IQCE: variants seen among roughly 807,000 people sequenced by gnomAD.
IQCE encodes the protein IQ motif containing E.
In IQCE, 115 loss-of-function variants were observed where a neutral mutation model predicts 96.0. That is an observed-to-expected ratio of 1.20 (90% CI 1.03 to 1.40). The LOEUF is 1.40. Ranked by LOEUF, IQCE falls within the 40% of genes most tolerant of loss-of-function variation. The pLI is 0.00. For missense variants in IQCE, 1,041 were observed against 909.1 expected, an observed-to-expected ratio of 1.15 and a Z score of -1.87; for synonymous variants, 412 against 371.2, an observed-to-expected ratio of 1.11 and a Z score of -1.26.
rs1473339159 is a variant in IQCE, at chr7:2,577,432, A to G, written c.466-810A>G. 1.0e-3 allele frequency among the ~76,000 whole-genome samples: 87 copies of G among 86,484 alleles called. 4 individuals carry two copies. The highest frequency in any genetic ancestry group is 3.0e-3 in the African/African-American group (65 of 21,618). The allele number at this position is 86,484 out of a possible 152,430, so 56.7% of individuals were successfully genotyped here. A position where few individuals can be genotyped will look rare whatever the true frequency, so the allele number is the denominator to read the frequency against. On this transcript the variant is annotated intron_variant, in intron 6 of 21. Coordinates refer to ENST00000402050, the MANE Select transcript of IQCE (RefSeq NM_152558.5). Reference sequence around the variant, plus strand: ...GCGCGGGGACGTGTGTGCGGCGTGCACGCATTGGCATGTACTTGGCTGTGC... The same window carrying G: ...GCGCGGGGACGTGTGTGCGGCGTGCGCGCATTGGCATGTACTTGGCTGTGC...
At chr7:2,577,507 T>C (rs59799973) in intron 6 of IQCE, among the ~76,000 whole-genome samples, 8,920 of 85,820 alleles carry the variant, frequency 0.1, 985 homozygotes, top group East Asian at 0.19. Context: ...CGTGGCTGTG[T>C]GTGCGGGGAC....
intron 16 of IQCE, among the ~76,000 whole-genome samples, chr7:2,595,458 C>G (rs542471150): frequency 6.6e-6 from 1 of 152,170 alleles, no homozygotes; most frequent in Non-Finnish European, 1.5e-5. Flanking sequence ...CAGCTGTGCA[C>G]GGGTTGAACG....
intron 16 of IQCE, among the ~76,000 whole-genome samples, chr7:2,597,451 G>A (rs1784129846): frequency 1.3e-5 from 2 of 152,272 alleles, no homozygotes; most frequent in South Asian, 2.1e-4. Flanking sequence ...AGAGCAAGCC[G>A]TTCTGTGTTT....
intron 4 of IQCE, 86 bp downstream of exon 4, chr7:2,571,740 A>G (rs1781770558): frequency 7.4e-7 from 1 of 1,356,776 alleles, no homozygotes. Context: ...GGAGTTTTTA[A>G]TATTCCTTGT....
At chr7:2,605,805 TG>T in intron 19 of IQCE, 70 bp from the exon 20 acceptor site, 3 of 1,405,248 alleles carry the variant, frequency 2.1e-6, no homozygotes, top group Non-Finnish European at 2.8e-6. Context: ...CAGGGTGCCC[TG>T]GGGGTTGAGT....
chr7:2,578,416 G>A (rs997985872), intron 7 of IQCE, 60 bp from the exon 8 acceptor site: 1 of 1,603,350 alleles, frequency 6.2e-7, no homozygotes, highest in Admixed American at 1.7e-5. Flanking sequence ...GCATCTGCCA[G>A]CCAGCCCTGC....
chr7:2,584,249 A>G lies in IQCE; in HGVS notation c.788A>G (p.Gln263Arg). 6.2e-7 allele frequency: 1 copy of G among 1,614,060 alleles called. No homozygotes were observed. Among genetic ancestry groups the G allele is most frequent in the Non-Finnish European group, 8.5e-7 (1 of 1,179,886 alleles). ...TGGTATTTACAGGTGCATCGTCTCCAGACCCTCTTGGCAAGTTCTGAAACC... is the reference window on the plus strand; with the variant it reads ...TGGTATTTACAGGTGCATCGTCTCCGGACCCTCTTGGCAAGTTCTGAAACC... The part of the protein sequence containing the change: ...ETYYEEVHRL[Q>R]TLLASSETTG... Residue 263 changes from glutamine (Q) to arginine (R), a missense_variant, in exon 11 of 22, where the codon CAG becomes CGG. By Grantham distance (43) the Gln-to-Arg change is conservative. Transcript: ENST00000402050.
At chr7:2,559,391 C>T (rs1229759948) in intron 1 of IQCE, 174 bp downstream of exon 1, 16 of 326,332 alleles carry the variant, frequency 4.9e-5, no homozygotes, top group African/African-American at 3.1e-4. Context: ...CTGCAGGCCC[C>T]GCGCCGCCTG....
Position 2,583,667 on chromosome 7 carries a change from C to T in IQCE, c.732C>T (p.Asn244=). The T allele has an allele frequency of 1.3e-6, 2 of 1,591,050 alleles. No individual in the cohort carries two copies. The highest frequency in any genetic ancestry group is 1.7e-4 in the Middle Eastern group (1 of 5,954). Residue 244 remains asparagine (N), a synonymous_variant, in exon 10 of 22, where the codon AAC becomes AAT. Transcript: ENST00000402050. ...SKLQTDMKTT[N]LEEMRIAMET... ...TCCAGACCGATATGAAGACTACCAA[C>T]CTGGAAGAGATGCGGATCGCCATGG...
chr7:2,578,220 G>C, intron 6 of IQCE, 22 bp from the exon 7 acceptor site: 1 of 1,579,598 alleles, frequency 6.3e-7, no homozygotes, highest in Admixed American at 1.7e-5. Flanking sequence ...GGATGGCTGT[G>C]CATGGCCCTT....
chr7:2,598,741 G>T, intron 17 of IQCE, 109 bp downstream of exon 17: 1 of 973,756 alleles, frequency 1.0e-6, no homozygotes, highest in East Asian at 3.1e-5. Flanking sequence ...CCAGGCCCCA[G>T]GTGTCTGAGC....
chr7:2,565,133 AGTGT>A (rs35495754), intron 1 of IQCE, among the ~76,000 whole-genome samples: 29,778 of 147,150 alleles, frequency 0.2, 3,555 homozygotes, highest in African/African-American at 0.34. Flanking sequence ...CATGTGTGTG[AGTGT>A]GTGTGTGTGT....
chr7:2,588,183 T>C (rs1783280656), intron 13 of IQCE, among the ~76,000 whole-genome samples: 1 of 152,196 alleles, frequency 6.6e-6, no homozygotes, highest in African/African-American at 2.4e-5. Flanking sequence ...GACCAGGCAC[T>C]GCTTCCCACC....
intron 11 of IQCE, among the ~76,000 whole-genome samples, chr7:2,585,792 T>C (rs978507847): frequency 1.3e-5 from 2 of 152,234 alleles, no homozygotes; most frequent in Non-Finnish European, 2.9e-5. Context: ...GGATCCATTT[T>C]AGCAGCAAGC....
chr7:2,577,348 G>A (rs1782215787), intron 6 of IQCE, among the ~76,000 whole-genome samples: 1 of 127,312 alleles, frequency 7.9e-6, no homozygotes, highest in African/African-American at 2.7e-5. Context: ...GCGTGTGCGT[G>A]GCTGTGCGCG....
intron 18 of IQCE, 28 bp from the exon 19 acceptor site, chr7:2,604,853 T>G: frequency 6.3e-7 from 1 of 1,589,072 alleles, no homozygotes; most frequent in Non-Finnish European, 8.6e-7. Flanking sequence ...CACACCCACT[T>G]TTCTCTCCCT....
intron 17 of IQCE, among the ~76,000 whole-genome samples, chr7:2,600,773 C>A (rs903216992): frequency 6.6e-6 from 1 of 152,178 alleles, no homozygotes; most frequent in Admixed American, 6.5e-5. Context: ...TGTCATCCGG[C>A]CGTGGTGGTC....
rs752886409 is a variant in IQCE at position 2,573,404 on chromosome 7, T to C, written c.395-14T>C. 10 of 1,283,366 alleles carry C rather than the reference T, an allele frequency of 7.8e-6. No individual in the cohort carries two copies. In the Admixed American group the frequency reaches 1.6e-4, roughly 20 times the overall value. The allele number at this position is 1,283,366 out of a possible 1,614,324, so 79.5% of individuals were successfully genotyped here. A position where few individuals can be genotyped will look rare whatever the true frequency, so the allele number is the denominator to read the frequency against. ...GTAGATAGTCTTTGAAACGATTTGT[T>C]TATGTTTCTCTAGGTCATGTCCCTG... On this transcript the variant is annotated splice_polypyrimidine_tract_variant and intron_variant, in intron 5 of 21. Transcript: ENST00000402050.
intron 8 of IQCE, among the ~76,000 whole-genome samples, chr7:2,579,840 A>C (rs535167121): frequency 6.6e-6 from 1 of 151,484 alleles, no homozygotes; most frequent in African/African-American, 2.4e-5. Flanking sequence ...AGCTCACGTG[A>C]TCCCTGGCTT....
Sources: gnomAD v4.1 joint callset for allele counts (sites outside exome capture counted in the v4.1 genomes callset) on GRCh38, gnomAD v4.1.1 for gene constraint, MANE v1.5 for transcripts, NCBI Gene and HGNC (gene_info 2026-07-23, HGNC 2026-07-21) for gene names.